The following IFI35 variants were observed in gnomAD, a reference collection of about 807,000 sequenced individuals.
IFI35 encodes interferon-induced 35 kDa protein.
Under a neutral mutation model 28.6 loss-of-function variants are expected in IFI35, and 30 were observed. The ratio of observed to expected loss-of-function variants is 1.05; its 90% CI spans 0.79 to 1.43. The LOEUF is 1.43. Among genes scored for constraint, IFI35 ranks in the 40% most tolerant of loss-of-function variants. The pLI is 0.00. For missense variants in IFI35, 372 were observed against 356.9 expected (o/e 1.04, Z -0.34); for synonymous variants, 146 against 154.8 (o/e 0.94, Z 0.42).
At position 43,013,397 on chromosome 17, in the gene IFI35, G is replaced by T. The variant is rs570575342; in HGVS notation, c.375+24G>T. 4.7e-5 allele frequency: 76 copies of T among 1,613,028 alleles called. No individual in the cohort carries two copies. The South Asian group carries it at 7.5e-4, about 16-fold the overall frequency. The stretch of plus-strand genomic sequence containing the variant: ...AGGTGATGGTATGACAGAATCCTGG[G>T]GCATGCAAAGCATGCCATGCACCTG... On this transcript the variant is annotated intron_variant, in intron 4 of 6. Coordinates refer to ENST00000415816, the MANE Select transcript of IFI35 (RefSeq NM_001330230.2).
At chr17:43,010,243 G>GA (rs145084086) in intron 1 of IFI35, among the ~76,000 whole-genome samples, 53,748 of 144,374 alleles carry the variant, frequency 0.37, 12,027 homozygotes, top group East Asian at 0.56. Context: ...CCAAAAAGAA[G>GA]AAAAAAAAAA....
Sources: gnomAD v4.1 joint callset for allele counts (sites outside exome capture counted in the v4.1 genomes callset) on GRCh38, gnomAD v4.1.1 for gene constraint, MANE v1.5 for transcripts, NCBI Gene and HGNC (gene_info 2026-07-23, HGNC 2026-07-21) for gene names.